The following SAMMSON variants were observed in gnomAD, a reference collection of about 807,000 sequenced individuals.
SAMMSON encodes the protein survival associated mitochondrial melanoma specific oncogenic non-coding RNA.
intron 4 of SAMMSON, among the ~76,000 whole-genome samples, chr3:70,226,719 CAGAG>C (rs1266169841): frequency 7.9e-6 from 1 of 127,148 alleles, no homozygotes; most frequent in South Asian, 2.5e-4. Context: ...GCCTGGGCAA[CAGAG>C]AGAGACTCTG....
At chr3:70,359,260 A>G (rs1479791835) in intron 9 of SAMMSON, among the ~76,000 whole-genome samples, 1 of 152,164 alleles carries the variant, frequency 6.6e-6, no homozygotes, top group Non-Finnish European at 1.5e-5. Flanking sequence ...TTCAAGACGT[A>G]GTATGTGAAG....
intron 6 of SAMMSON, among the ~76,000 whole-genome samples, chr3:70,264,788 G>A (rs912842097): frequency 2.6e-5 from 4 of 152,202 alleles, no homozygotes; most frequent in Admixed American, 6.5e-5. Flanking sequence ...AATACAGGGA[G>A]CTATGGAAAC....
At chr3:70,395,331 C>CTTTTTTTTT (rs71126501) in intron 2 of SAMMSON, among the ~76,000 whole-genome samples, 7 of 113,612 alleles carry the variant, frequency 6.2e-5, no homozygotes, top group East Asian at 3.0e-4. Context: ...CTCTCTCTCT[C>CTTTTTTTTT]TTTTTTTTTT....
upstream of SAMMSON, chr3:69,999,768 A>C (rs1206529143): frequency 6.6e-6 from 1 of 152,418 alleles, no homozygotes; most frequent in Non-Finnish European, 1.5e-5. Context: ...CATTTGAGGA[A>C]CACATCCGGG....
chr3:70,254,540 C>A (rs1046602678), intron 6 of SAMMSON, among the ~76,000 whole-genome samples: 2 of 152,092 alleles, frequency 1.3e-5, no homozygotes, highest in East Asian at 3.8e-4. Flanking sequence ...GCTTTTGGAA[C>A]AATAAATACA....
At chr3:70,070,976 G>GT (rs2067227085) in intron 3 of SAMMSON, among the ~76,000 whole-genome samples, 1 of 151,880 alleles carries the variant, frequency 6.6e-6, no homozygotes, top group East Asian at 1.9e-4. Flanking sequence ...TCTAGTCAAT[G>GT]TGCTTTAAAT....
intron 4 of SAMMSON, among the ~76,000 whole-genome samples, chr3:70,177,534 T>C (rs1354755353): frequency 6.6e-6 from 1 of 152,184 alleles, no homozygotes; most frequent in Non-Finnish European, 1.5e-5. Flanking sequence ...AGATGGACAA[T>C]GTATAATATG....
chr3:70,250,654 T>A (rs1475379696), intron 6 of SAMMSON, among the ~76,000 whole-genome samples: 2 of 152,206 alleles, frequency 1.3e-5, no homozygotes, highest in Non-Finnish European at 2.9e-5. Context: ...TGTTTTTATT[T>A]CACAAAAATT....
At chr3:70,294,072 AC>A in intron 7 of SAMMSON, among the ~76,000 whole-genome samples, 1 of 152,236 alleles carries the variant, frequency 6.6e-6, no homozygotes, top group African/African-American at 2.4e-5. Flanking sequence ...CTTTATAAAG[AC>A]ATGGCCATGT....
chr3:70,109,527 G>A (rs1379087799), intron 4 of SAMMSON, among the ~76,000 whole-genome samples: 1 of 152,130 alleles, frequency 6.6e-6, no homozygotes, highest in Non-Finnish European at 1.5e-5. Flanking sequence ...GAAGAGCTTG[G>A]CCTCTGAGGT....
chr3:70,377,076 A>G (rs1703023603), intron 9 of SAMMSON, among the ~76,000 whole-genome samples: 1 of 152,172 alleles, frequency 6.6e-6, no homozygotes, highest in African/African-American at 2.4e-5. Flanking sequence ...TCAAAACAAT[A>G]GAAATAAACT....
At chr3:70,061,823 A>T (rs899442202) in intron 3 of SAMMSON, among the ~76,000 whole-genome samples, 1 of 152,088 alleles carries the variant, frequency 6.6e-6, no homozygotes, top group East Asian at 1.9e-4. Flanking sequence ...TTTGCTGTAG[A>T]TATGCACAGG....
At chr3:70,037,857 AG>A (rs1352771271) in intron 3 of SAMMSON, among the ~76,000 whole-genome samples, 1 of 152,146 alleles carries the variant, frequency 6.6e-6, no homozygotes, top group African/African-American at 2.4e-5. Flanking sequence ...ACGTGGAGAG[AG>A]GAATTGTCAG....
At chr3:70,161,463 T>A (rs1234969740) in intron 4 of SAMMSON, among the ~76,000 whole-genome samples, 2 of 152,034 alleles carry the variant, frequency 1.3e-5, no homozygotes, top group Non-Finnish European at 2.9e-5. Flanking sequence ...GTTACTATGG[T>A]GTTTTATATT....
At chr3:70,349,056 A>G (rs1345923528) in intron 7 of SAMMSON, among the ~76,000 whole-genome samples, 1 of 152,098 alleles carries the variant, frequency 6.6e-6, no homozygotes, top group Non-Finnish European at 1.5e-5. Flanking sequence ...TTCACAGGTC[A>G]TGCACACAAG....
chr3:70,248,850 C>T (rs1701732783), intron 4 of SAMMSON, among the ~76,000 whole-genome samples: 1 of 152,088 alleles, frequency 6.6e-6, no homozygotes, highest in African/African-American at 2.4e-5. Flanking sequence ...GCCTACATGA[C>T]TCAATTGAAA....
intron 4 of SAMMSON, among the ~76,000 whole-genome samples, chr3:70,192,994 A>C (rs1024904530): frequency 8.5e-5 from 13 of 152,146 alleles, no homozygotes; most frequent in Non-Finnish European, 1.8e-4. Flanking sequence ...TTCTATCCAC[A>C]AGATTCTAGT....
intron 4 of SAMMSON, among the ~76,000 whole-genome samples, chr3:70,109,182 T>C (rs190892513): frequency 4.6e-5 from 7 of 152,246 alleles, no homozygotes; most frequent in Admixed American, 1.3e-4. Flanking sequence ...TATTGAGACA[T>C]CTGCTATTGA....
At chr3:70,146,945 A>G (rs937690212) in intron 4 of SAMMSON, among the ~76,000 whole-genome samples, 5 of 152,032 alleles carry the variant, frequency 3.3e-5, no homozygotes, top group African/African-American at 4.8e-5. Flanking sequence ...AATATTTAAG[A>G]TATTCTCAGA....
Sources: gnomAD v4.1 joint callset for allele counts (sites outside exome capture counted in the v4.1 genomes callset) on GRCh38, gnomAD v4.1.1 for gene constraint, MANE v1.5 for transcripts, NCBI Gene and HGNC (gene_info 2026-07-23, HGNC 2026-07-21) for gene names.